The following FAM131B variants were observed in gnomAD, a reference collection of about 807,000 sequenced individuals.
FAM131B encodes the protein protein FAM131B.
A neutral mutation model predicts 42.0 loss-of-function variants in FAM131B; 19 were observed. The observed-to-expected ratio is 0.45, with a 90% CI of 0.32 to 0.66. The LOEUF (loss-of-function observed/expected upper bound fraction) is 0.66, where lower values mean the gene tolerates loss of function less well. Ranked by LOEUF, FAM131B falls within the 30% of genes least tolerant of loss-of-function variation. FAM131B has a pLI of 0.05. For missense variants in FAM131B, 370 were observed against 468.4 expected (o/e 0.79, Z 1.94); for synonymous variants, 183 against 177.6 (o/e 1.03, Z -0.24).
chr7:143,381,591 C>T, the FAM131B span: 5 of 1,610,904 alleles, frequency 3.1e-6, no homozygotes, highest in Non-Finnish European at 4.2e-6. Flanking sequence ...CCCCGCCCGT[C>T]TCCCGCGATC....
the FAM131B span, among the ~76,000 whole-genome samples, chr7:143,373,590 G>T: frequency 6.6e-6 from 1 of 152,106 alleles, no homozygotes; most frequent in Non-Finnish European, 1.5e-5. Flanking sequence ...GCGCTGAGGC[G>T]GTGTGTCCTC....
rs887797300 is a variant in FAM131B, at chr7:143,362,430, G to C, written c.28+146C>G. The stretch of plus-strand genomic sequence containing the variant: ...CAGGAAGGAGGGACAGAGGGACCGC[G>C]GGCGGACGGAAGGAAAGTGAAGGAG... On this transcript the variant is annotated intron_variant, in intron 1 of 6. Coordinates refer to ENST00000443739, the MANE Select transcript of FAM131B (RefSeq NM_001031690.3). The surrounding 1 kb of genome is among the most constrained non-coding windows in gnomAD (Gnocchi z 7.7). 1.1e-5 allele frequency: 4 copies of C among 352,126 alleles called. No homozygotes were observed. The highest frequency in any genetic ancestry group is 8.6e-5 in the African/African-American group (4 of 46,508). The allele number at this position is 352,126 out of a possible 1,614,324, so 21.8% of individuals were successfully genotyped here.
chr7:143,381,378 C>G, the FAM131B span: 1 of 1,175,428 alleles, frequency 8.5e-7, no homozygotes, highest in Non-Finnish European at 1.1e-6. Context: ...GAGGCGGCCA[C>G]CCGAGACGCG....
In FAM131B at chr7:143,358,815, G is replaced by C. The variant is rs779346250; in HGVS notation, c.466+12C>G. ...TGCAAATGTGTCTCTTGAGGCTTTA[G>C]GGTACCTGTACCTGCTAGAAAACGT... On this transcript the variant is annotated intron_variant, in intron 5 of 6. Transcript: ENST00000443739. This position sits in a 1 kb window ranked among gnomAD's most constrained non-coding sequence, Gnocchi z 4.7. 1 of 1,612,398 alleles carries C rather than the reference G, an allele frequency of 6.2e-7. No individual in the cohort carries two copies. The highest frequency in any genetic ancestry group is 1.1e-5 in the South Asian group (1 of 90,800).
the FAM131B span, among the ~76,000 whole-genome samples, chr7:143,371,262 G>A: frequency 1.3e-5 from 2 of 152,038 alleles, no homozygotes; most frequent in African/African-American, 4.8e-5. Context: ...TTTGGTGGGG[G>A]AGTGCCAAAA....
At chr7:143,376,724 C>A in the FAM131B span, among the ~76,000 whole-genome samples, 3 of 152,290 alleles carry the variant, frequency 2.0e-5, no homozygotes, top group African/African-American at 4.8e-5. Context: ...GGCATGCAGG[C>A]CAGTGGGATG....
chr7:143,368,899 T>C, the FAM131B span, among the ~76,000 whole-genome samples: 3 of 152,238 alleles, frequency 2.0e-5, no homozygotes, highest in Non-Finnish European at 1.5e-5. Context: ...CAACTGATCC[T>C]GTTCCTAAAT....
rs191370084 is a variant in FAM131B, at chr7:143,360,229, C to A, written c.29-80G>T. ...GACACCCTGGGGCCAGCCCTTCACA[C>A]CCCTTCCTTACCCCAGCTGCCCATT... is the stretch of plus-strand genomic sequence containing the variant. On this transcript the variant is annotated intron_variant, in intron 1 of 6. Coordinates refer to ENST00000443739, the MANE Select transcript of FAM131B (RefSeq NM_001031690.3). 9.0e-4 allele frequency: 1,384 copies of A among 1,541,466 alleles called. 4 individuals carry two copies. Among genetic ancestry groups the A allele is most frequent in the Admixed American group, 1.1e-3 (55 of 50,762 alleles).
the FAM131B span, among the ~76,000 whole-genome samples, chr7:143,374,439 G>A: frequency 1.3e-5 from 2 of 151,874 alleles, no homozygotes; most frequent in Non-Finnish European, 2.9e-5. Context: ...CTTTCACCTC[G>A]AGCTCTACCA....
In FAM131B at chr7:143,359,618, T is replaced by C. The variant is rs1001659834; in HGVS notation, c.174+114A>G. On this transcript the variant is annotated intron_variant, in intron 3 of 6. Transcript: ENST00000443739. This position sits in a 1 kb window ranked among gnomAD's most constrained non-coding sequence, Gnocchi z 5.4. ...CTGGGGCACAGGTTGAGAACGTGAG[T>C]GCTCACAGTGCCTATTGGAGCCAGG... 13 of 1,087,772 alleles carry C rather than the reference T, an allele frequency of 1.2e-5. No individual in the cohort carries two copies. Among genetic ancestry groups the C allele is most frequent in the Admixed American group, 9.9e-5 (5 of 50,412 alleles). The allele number at this position is 1,087,772 out of a possible 1,614,324, so 67.4% of individuals were successfully genotyped here.
At position 143,359,582 on chromosome 7, in the gene FAM131B, G is replaced by A; in HGVS notation, c.174+150C>T. 2.1e-6 allele frequency: 2 copies of A among 939,714 alleles called. No homozygotes were observed. Among genetic ancestry groups the A allele is most frequent in the South Asian group, 1.4e-5 (1 of 71,584 alleles). The allele number at this position is 939,714 out of a possible 1,614,324, so 58.2% of individuals were successfully genotyped here. A position where few individuals can be genotyped will look rare whatever the true frequency, so the allele number is the denominator to read the frequency against. ...TCCCAAGGAGGGATATATCCCCAGTGCTCTGGAAAACTGGGGCACAGGTTG... is the reference window on the plus strand; with the variant it reads ...TCCCAAGGAGGGATATATCCCCAGTACTCTGGAAAACTGGGGCACAGGTTG... On this transcript the variant is annotated intron_variant, in intron 3 of 6. Transcript: ENST00000443739. This position sits in a 1 kb window ranked among gnomAD's most constrained non-coding sequence, Gnocchi z 5.4.
rs1049170367 is a variant in FAM131B, at chr7:143,362,653, G to C, written c.-50C>G. Reference sequence around the variant, plus strand: ...CCCTCACCGACTCGGGGCGCGCGCCGGGGGGAGCACCGGGAGCCGCGCCGC... The same window carrying C: ...CCCTCACCGACTCGGGGCGCGCGCCCGGGGGAGCACCGGGAGCCGCGCCGC... On this transcript the variant is annotated 5_prime_UTR_variant, in exon 1 of 7. Coordinates refer to ENST00000443739, the MANE Select transcript of FAM131B (RefSeq NM_001031690.3). The surrounding 1 kb of genome is among the most constrained non-coding windows in gnomAD (Gnocchi z 7.7). 1.8e-6 allele frequency: 2 copies of C among 1,129,208 alleles called. No homozygotes were observed. The highest frequency in any genetic ancestry group is 3.3e-5 in the African/African-American group (2 of 61,320). 69.9% of individuals were successfully genotyped at this position (1,129,208 alleles called of 1,614,324 possible).
At chr7:143,381,579 C>G in the FAM131B span, 5 of 1,609,476 alleles carry the variant, frequency 3.1e-6, no homozygotes, top group Non-Finnish European at 3.4e-6. Flanking sequence ...GCCATGGCGG[C>G]CCCCCGCCCG....
Position 143,359,849 on chromosome 7 carries a change from A to T in FAM131B, c.139-82T>A. The T allele has an allele frequency of 7.4e-7, 1 of 1,356,078 alleles. No individual in the cohort carries two copies. The highest frequency in any genetic ancestry group is 1.0e-6 in the Non-Finnish European group (1 of 971,028). 84.0% of individuals were successfully genotyped at this position (1,356,078 alleles called of 1,614,324 possible). ...AGCCCCCTTCCTCAGAGGGCCTTCCAGGAGTGCGGGATGTGGGGAGGGCTT... is the reference window on the plus strand; with the variant it reads ...AGCCCCCTTCCTCAGAGGGCCTTCCTGGAGTGCGGGATGTGGGGAGGGCTT... On this transcript the variant is annotated intron_variant, in intron 2 of 6. Coordinates refer to ENST00000443739, the MANE Select transcript of FAM131B (RefSeq NM_001031690.3). This position sits in a 1 kb window ranked among gnomAD's most constrained non-coding sequence, Gnocchi z 5.4.
the FAM131B span, among the ~76,000 whole-genome samples, chr7:143,370,373 T>C: frequency 6.6e-6 from 1 of 152,182 alleles, no homozygotes; most frequent in Non-Finnish European, 1.5e-5. Context: ...TCAGAGGCAA[T>C]TGAACCAGAG....
chr7:143,378,867 C>T, the FAM131B span, among the ~76,000 whole-genome samples: 3 of 152,342 alleles, frequency 2.0e-5, no homozygotes, highest in East Asian at 1.9e-4. Context: ...TGAGCCACTG[C>T]GCCCAGCCCA....
upstream of FAM131B, among the ~76,000 whole-genome samples, chr7:143,367,197 C>T (rs1480773970): frequency 1.3e-5 from 2 of 152,146 alleles, no homozygotes; most frequent in East Asian, 1.9e-4. Flanking sequence ...ATGGCTCAGC[C>T]AGTTAGTTAT....
intron 5 of FAM131B, among the ~76,000 whole-genome samples, chr7:143,357,691 ATT>A (rs1803735141): frequency 6.6e-6 from 1 of 152,258 alleles, no homozygotes; most frequent in African/African-American, 2.4e-5. Context: ...GATATTTTAC[ATT>A]CTTTTATTTA....
intron 1 of FAM131B, chr7:143,360,935 G>A (rs1434963805): frequency 6.6e-6 from 1 of 152,444 alleles, no homozygotes; most frequent in African/African-American, 2.4e-5. Context: ...GCTCCTGGTG[G>A]AGGGAGACTC....
Sources: allele counts gnomAD v4.1 joint callset (sites outside exome capture counted in the v4.1 genomes callset), GRCh38; gene constraint gnomAD v4.1.1; non-coding constraint Gnocchi (gnomAD v3.1); transcripts MANE v1.5; gene names NCBI Gene and HGNC (gene_info 2026-07-23, HGNC 2026-07-21).